Variants in NSMCE2 observed in about 807,000 individuals in gnomAD.
NSMCE2 encodes the protein E3 SUMO-protein ligase NSE2.
A neutral mutation model predicts 23.8 loss-of-function variants in NSMCE2; 24 were observed. The ratio of observed to expected loss-of-function variants is 1.01; its 90% CI spans 0.73 to 1.42. The LOEUF (loss-of-function observed/expected upper bound fraction) is 1.42, where lower values mean the gene tolerates loss of function less well. Among genes scored for constraint, NSMCE2 ranks in the 40% most tolerant of loss-of-function variants. The pLI, the probability that NSMCE2 is intolerant of heterozygous loss-of-function variation, is 0.00. For synonymous variants in NSMCE2, 92 were observed against 94.1 expected (o/e 0.98, Z 0.13); for missense variants, 284 against 296.5 (o/e 0.96, Z 0.31).
chr8:125,177,057 T>TA (rs1242185324), intron 4 of NSMCE2, among the ~76,000 whole-genome samples: 1 of 152,274 alleles, frequency 6.6e-6, no homozygotes, highest in African/African-American at 2.4e-5. Context: ...TGAAATTTGT[T>TA]ACTTGCTTTC....
At chr8:125,240,795 T>G (rs1248443418) in intron 5 of NSMCE2, among the ~76,000 whole-genome samples, 1 of 152,186 alleles carries the variant, frequency 6.6e-6, no homozygotes, top group Non-Finnish European at 1.5e-5. Context: ...TTCTTAAATT[T>G]GTAGAATTAT....
At chr8:125,198,228 A>C (rs1823712571) in intron 5 of NSMCE2, among the ~76,000 whole-genome samples, 1 of 152,078 alleles carries the variant, frequency 6.6e-6, no homozygotes, top group Admixed American at 6.6e-5. Flanking sequence ...CACTATGTTG[A>C]ATAGGAGTGG....
At chr8:125,098,809 G>T (rs567717249) in intron 1 of NSMCE2, among the ~76,000 whole-genome samples, 6 of 152,022 alleles carry the variant, frequency 3.9e-5, no homozygotes, top group Non-Finnish European at 8.8e-5. Flanking sequence ...GGGGTAGGGT[G>T]GGAGAGAAGG....
chr8:125,179,195 G>A (rs1307875630), intron 4 of NSMCE2, among the ~76,000 whole-genome samples: 1 of 152,058 alleles, frequency 6.6e-6, no homozygotes, highest in Non-Finnish European at 1.5e-5. Flanking sequence ...ATTGGGAAAA[G>A]GATGGACCTA....
chr8:125,122,172 C>CAAAAAAA (rs796879544), intron 3 of NSMCE2, among the ~76,000 whole-genome samples: 1 of 45,974 alleles, frequency 2.2e-5, no homozygotes, highest in Non-Finnish European at 4.1e-5. Context: ...CTGGCTGAGC[C>CAAAAAAA]AAAAAAAAAA....
chr8:125,358,032 C>T (rs73704940), intron 7 of NSMCE2, among the ~76,000 whole-genome samples: 37 of 152,326 alleles, frequency 2.4e-4, no homozygotes, highest in African/African-American at 8.7e-4. Context: ...ACTTCAACCA[C>T]ACCTTCAAAA....
chr8:125,155,995 C>T (rs1048264877), intron 4 of NSMCE2: 1 of 452,038 alleles, frequency 2.2e-6, no homozygotes, highest in Non-Finnish European at 4.4e-6. Flanking sequence ...TATATATCCT[C>T]TCAGCTAGGT....
chr8:125,325,868 C>T (rs1829644204), intron 5 of NSMCE2, among the ~76,000 whole-genome samples: 1 of 152,210 alleles, frequency 6.6e-6, no homozygotes, highest in Admixed American at 6.5e-5. Context: ...AAGAGAATCA[C>T]TTGAACCTGG....
chr8:125,096,973 C>T (rs1013011633), intron 1 of NSMCE2, among the ~76,000 whole-genome samples: 18 of 151,964 alleles, frequency 1.2e-4, no homozygotes, highest in East Asian at 3.9e-4. Context: ...TTGGTTTGCC[C>T]GTAAATTTCT....
At chr8:125,244,303 G>A (rs1362438000) in intron 5 of NSMCE2, among the ~76,000 whole-genome samples, 1 of 152,046 alleles carries the variant, frequency 6.6e-6, no homozygotes, top group Non-Finnish European at 1.5e-5. Flanking sequence ...AGTAAAAATA[G>A]GATGAATAAT....
At chr8:125,250,440 T>C (rs1156265416) in intron 5 of NSMCE2, among the ~76,000 whole-genome samples, 1 of 152,216 alleles carries the variant, frequency 6.6e-6, no homozygotes, top group Non-Finnish European at 1.5e-5. Context: ...CCTCTATTGA[T>C]ATATTGCTGT....
intron 5 of NSMCE2, among the ~76,000 whole-genome samples, chr8:125,238,541 C>T (rs544586467): frequency 6.6e-6 from 1 of 152,248 alleles, no homozygotes; most frequent in East Asian, 1.9e-4. Flanking sequence ...CAAATAAGTG[C>T]ACTGTTAGCT....
intron 3 of NSMCE2, among the ~76,000 whole-genome samples, chr8:125,121,541 A>G (rs1306073607): frequency 6.6e-5 from 10 of 152,238 alleles, no homozygotes; most frequent in Non-Finnish European, 1.5e-5. Context: ...ACTACATGGT[A>G]GTAAGTAATG....
At chr8:125,264,038 CA>C (rs1826811705) in intron 5 of NSMCE2, among the ~76,000 whole-genome samples, 1 of 152,174 alleles carries the variant, frequency 6.6e-6, no homozygotes, top group Admixed American at 6.5e-5. Flanking sequence ...TATGAATCTT[CA>C]GATTTCCCAT....
rs533631815 is a variant in NSMCE2, at chr8:125,350,828, A to G, written c.419-6391A>G. ...ATTTGGGTGGGGACACAGCCAAACC[A>G]TATTAGGTTGTCAGGGACAGAGTCA... On this transcript the variant is annotated intron_variant, in intron 5 of 7. Transcript: ENST00000287437. Among the ~76,000 whole-genome samples the G allele has an allele frequency of 2.8e-4, 42 of 152,246 alleles. 1 individual carries two copies. In the South Asian group the frequency reaches 8.3e-3, roughly 30 times the overall value.
intron 3 of NSMCE2, among the ~76,000 whole-genome samples, chr8:125,137,085 T>A (rs1820105550): frequency 1.6e-5 from 2 of 122,856 alleles, no homozygotes; most frequent in African/African-American, 7.1e-5. Flanking sequence ...GAAATCAAAA[T>A]TTTTTTTTTA....
rs1554636735 is a variant in NSMCE2 at position 125,314,272 on chromosome 8, T to TTTTTGTTTTGTTTTTG, written c.419-42933_419-42932insTGTTTTGTTTTGTTTT. Among the ~76,000 whole-genome samples, 22 of 151,266 alleles carry TTTTTGTTTTGTTTTTG rather than the reference T, an allele frequency of 1.5e-4. No homozygotes were observed. In the East Asian group the frequency reaches 4.1e-3, roughly 28 times the overall value. ...TCCTTTCAAGGAGCCTTGTGTTTTG[T>TTTTTGTTTTGTTTTTG]TTTTGTTTTGTTTTGTTTTGTTTTT... On this transcript the variant is annotated intron_variant, in intron 5 of 7. Transcript: ENST00000287437.
At chr8:125,150,445 T>C (rs1820943629) in intron 3 of NSMCE2, among the ~76,000 whole-genome samples, 1 of 133,472 alleles carries the variant, frequency 7.5e-6, no homozygotes, top group African/African-American at 2.7e-5. Context: ...TTTTTTTTTT[T>C]TTTTTTGAGA....
chr8:125,284,524 C>T (rs1406479332), intron 5 of NSMCE2, among the ~76,000 whole-genome samples: 1 of 152,232 alleles, frequency 6.6e-6, no homozygotes, highest in Non-Finnish European at 1.5e-5. Context: ...CCCTAAGATA[C>T]TTAGACTCAG....
Sources: gnomAD v4.1 joint callset for allele counts (sites outside exome capture counted in the v4.1 genomes callset) on GRCh38, gnomAD v4.1.1 for gene constraint, MANE v1.5 for transcripts, NCBI Gene and HGNC (gene_info 2026-07-23, HGNC 2026-07-21) for gene names.